Variants in LRBA observed in about 807,000 individuals in gnomAD.
The protein encoded by LRBA is LPS responsive beige-like anchor protein.
In LRBA, 176 loss-of-function variants were observed where a neutral mutation model predicts 330.0. That is an observed-to-expected ratio of 0.53 (90% confidence interval 0.47 to 0.60). The LOEUF (loss-of-function observed/expected upper bound fraction) is 0.60. LRBA is among the 20% of genes least tolerant of loss of function. LRBA has a pLI of 0.00. For synonymous variants in LRBA, 1,230 were observed against 1,193.0 expected (o/e 1.03, Z -0.64); for missense variants, 3,259 against 3,444.8 (o/e 0.95, Z 1.35).
At chr4:150,669,108 C>T (rs1269153277) in intron 37 of LRBA, among the ~76,000 whole-genome samples, 1 of 152,152 alleles carries the variant, frequency 6.6e-6, no homozygotes, top group Non-Finnish European at 1.5e-5. Context: ...CTGGCAAACA[C>T]AGTTTATAAA....
chr4:151,011,971 G>A (rs970609730), intron 2 of LRBA, among the ~76,000 whole-genome samples: 1 of 152,054 alleles, frequency 6.6e-6, no homozygotes, highest in Non-Finnish European at 1.5e-5. Context: ...GTGCGCAGCT[G>A]CTTCCAAAGA....
chr4:150,472,664 C>A (rs998393042), intron 42 of LRBA, among the ~76,000 whole-genome samples: 6 of 152,116 alleles, frequency 3.9e-5, no homozygotes, highest in Non-Finnish European at 8.8e-5. Flanking sequence ...TCCCCACCTA[C>A]AGGCAACTAG....
intron 52 of LRBA, among the ~76,000 whole-genome samples, chr4:150,303,056 C>T (rs1729879002): frequency 6.6e-6 from 1 of 152,162 alleles, no homozygotes; most frequent in African/African-American, 2.4e-5. Context: ...GGCACTGTAT[C>T]ATTACAAATG....
In LRBA at chr4:151,014,488, G is replaced by A; in HGVS notation, c.155C>T (p.Thr52Ile). The change falls in exon 2 of 57, where the codon ACC becomes ATC. Residue 52 changes from threonine to isoleucine, a missense_variant. Thr to Ile is a moderately conservative substitution (Grantham distance 89, BLOSUM62 -1). Coordinates refer to ENST00000651943, the MANE Select transcript of LRBA (RefSeq NM_001364905.1). ...TACTTCTCCAACTTCAACCAAACCG[G>A]TCAACACGGCAAATTTCATTCTGAT... ...RGIRMKFAVLTGLVEVGEVSN... is the reference protein window; with the variant it reads ...RGIRMKFAVLIGLVEVGEVSN... The A allele has an allele frequency of 1.9e-6, 3 of 1,614,188 alleles. No individual in the cohort carries two copies. The highest frequency in any genetic ancestry group is 3.3e-5 in the Admixed American group (2 of 60,018).
At chr4:150,310,053 G>A (rs537676598) in intron 52 of LRBA, among the ~76,000 whole-genome samples, 176 bp downstream of exon 52, 206 of 152,210 alleles carry the variant, frequency 1.4e-3, no homozygotes, top group African/African-American at 4.9e-3. Context: ...AAATTTAATA[G>A]TGGACTATAT....
chr4:150,898,876 T>A (rs1730412205), intron 14 of LRBA, among the ~76,000 whole-genome samples: 3 of 152,198 alleles, frequency 2.0e-5, no homozygotes, highest in African/African-American at 7.2e-5. Flanking sequence ...AAAAAGTTCA[T>A]AGCTTGCTAA....
chr4:150,352,087 T>C (rs1439157543), intron 47 of LRBA, among the ~76,000 whole-genome samples: 2 of 152,244 alleles, frequency 1.3e-5, no homozygotes, highest in Non-Finnish European at 2.9e-5. Flanking sequence ...AACTTATATC[T>C]GGTAATGTAT....
chr4:150,407,967 A>G (rs1341086802), intron 47 of LRBA, among the ~76,000 whole-genome samples: 2 of 152,142 alleles, frequency 1.3e-5, no homozygotes, highest in Non-Finnish European at 2.9e-5. Context: ...ACTCAAATAA[A>G]AAAACTAGGT....
In LRBA at chr4:150,670,504, T is replaced by C. The variant is rs138496696; in HGVS notation, c.5921+13047A>G. On this transcript the variant is annotated intron_variant, in intron 37 of 56. Coordinates refer to ENST00000651943, the MANE Select transcript of LRBA (RefSeq NM_001364905.1). ...CCACAAGATAATCTTATAGTTGCCC[T>C]TTCCTAGCTCTGAAATCAGCCATTT... Among the ~76,000 whole-genome samples the C allele has an allele frequency of 6.7e-3, 1,015 of 152,334 alleles. 46 individuals are homozygous for C. The highest frequency in any genetic ancestry group is 0.052 in the Admixed American group (797 of 15,300).
chr4:150,893,404 A>AC (rs1176063091), intron 16 of LRBA, among the ~76,000 whole-genome samples: 1 of 152,116 alleles, frequency 6.6e-6, no homozygotes, highest in East Asian at 1.9e-4. Flanking sequence ...AGGCTGGAGC[A>AC]CAGTGGTGTG....
intron 22 of LRBA, among the ~76,000 whole-genome samples, chr4:150,858,914 T>C (rs1751549577): frequency 6.6e-6 from 1 of 152,188 alleles, no homozygotes; most frequent in Non-Finnish European, 1.5e-5. Context: ...TATATGCCAG[T>C]TCATATCTTA....
rs530996898 is a variant in LRBA, at chr4:150,529,741, AAAT to A, written c.6331-38709_6331-38707del. ...CATCTCAAAAAAAAAAAGAAAAAAA[AAAT>A]AATAACCAGCTTAAGACAAAGTAGA... On this transcript the variant is annotated intron_variant, in intron 40 of 56. Coordinates refer to ENST00000651943, the MANE Select transcript of LRBA (RefSeq NM_001364905.1). Among the ~76,000 whole-genome samples, 6 of 152,066 alleles carry A rather than the reference AAAT, an allele frequency of 3.9e-5. No homozygotes were observed. In the South Asian group the frequency reaches 1.2e-3, roughly 32 times the overall value.
At chr4:150,953,449 C>T (rs2149548690) in intron 2 of LRBA, among the ~76,000 whole-genome samples, 1 of 149,426 alleles carries the variant, frequency 6.7e-6, no homozygotes, top group African/African-American at 2.5e-5. Context: ...CATCTCGGCT[C>T]ACTGCAACCT....
At chr4:150,890,766 T>C (rs1345332077) in intron 17 of LRBA, among the ~76,000 whole-genome samples, 6 of 152,340 alleles carry the variant, frequency 3.9e-5, no homozygotes, top group African/African-American at 1.4e-4. Flanking sequence ...TATTCACATG[T>C]AGTGAAACTG....
chr4:150,825,470 G>A (rs1185997365), intron 30 of LRBA, among the ~76,000 whole-genome samples: 2 of 152,112 alleles, frequency 1.3e-5, no homozygotes, highest in African/African-American at 2.4e-5. Flanking sequence ...AGGTTCAAGC[G>A]ATTCTCCTGC....
chr4:150,844,212 T>TAAAAAAAAATTG lies in LRBA; in HGVS notation c.4462-6_4462-5insCAATTTTTTTTT. ...AGTCACAATGTCCACTGGGCTCTAT[T>TAAAAAAAAATTG]TAAGATTAAAAAAAAATTGTATATA... On this transcript the variant is annotated splice_region_variant and splice_polypyrimidine_tract_variant and intron_variant, in intron 27 of 56. Coordinates refer to ENST00000651943, the MANE Select transcript of LRBA (RefSeq NM_001364905.1). 1 of 1,518,454 alleles carries TAAAAAAAAATTG rather than the reference T, an allele frequency of 6.6e-7. No homozygotes were observed. The highest frequency in any genetic ancestry group is 9.0e-7 in the Non-Finnish European group (1 of 1,106,142). The allele number at this position is 1,518,454 out of a possible 1,614,324, so 94.1% of individuals were successfully genotyped here.
rs146134961 is a variant in LRBA, at chr4:150,281,992, C to A, written c.8316+458G>T. Among the ~76,000 whole-genome samples, 1,448 of 152,268 alleles carry A rather than the reference C, an allele frequency of 9.5e-3. 24 individuals are homozygous for A. The highest frequency in any genetic ancestry group is 0.033 in the African/African-American group (1,377 of 41,544). ...TTGGTCTTGTTGTCCATAAAGAAGT[C>A]ATAGCTGAAATTAATAAACCTAAAT... On this transcript the variant is annotated intron_variant, in intron 55 of 56. Coordinates refer to ENST00000651943, the MANE Select transcript of LRBA (RefSeq NM_001364905.1).
chr4:150,401,427 T>C (rs1210543897), intron 47 of LRBA, among the ~76,000 whole-genome samples: 2 of 152,194 alleles, frequency 1.3e-5, no homozygotes, highest in African/African-American at 2.4e-5. Flanking sequence ...TCTGAGAACC[T>C]ATTGTAATTA....
At chr4:150,452,821 A>G (rs1229436007) in intron 44 of LRBA, among the ~76,000 whole-genome samples, 1 of 152,160 alleles carries the variant, frequency 6.6e-6, no homozygotes, top group Non-Finnish European at 1.5e-5. Flanking sequence ...AAAGTCCCAA[A>G]AAGTCTACAA....
Sources: allele counts gnomAD v4.1 joint callset (sites outside exome capture counted in the v4.1 genomes callset), GRCh38; gene constraint gnomAD v4.1.1; transcripts MANE v1.5; gene names NCBI Gene and HGNC (gene_info 2026-07-23, HGNC 2026-07-21).